The following CEP57 variants were observed in gnomAD, a reference collection of about 807,000 sequenced individuals.
CEP57 encodes centrosomal protein of 57 kDa.
A neutral mutation model predicts 68.0 loss-of-function variants in CEP57; 40 were observed. The observed-to-expected ratio is 0.59, with a 90% CI of 0.46 to 0.77. CEP57 has a LOEUF of 0.77. Ranked by LOEUF, CEP57 falls within the 30% of genes least tolerant of loss-of-function variation. The pLI, the probability that CEP57 is intolerant of heterozygous loss-of-function variation, is 0.00. For synonymous variants in CEP57, 219 were observed against 198.7 expected (o/e 1.10, Z -0.86); for missense variants, 606 against 580.7 (o/e 1.04, Z -0.45).
At chr11:95,812,745 A>G (rs1022953242) in intron 2 of CEP57, among the ~76,000 whole-genome samples, 187 bp from the exon 3 acceptor site, 1 of 152,112 alleles carries the variant, frequency 6.6e-6, no homozygotes. Context: ...CGGCCCACTC[A>G]ATGTCTTTAA....
intron 2 of CEP57, among the ~76,000 whole-genome samples, chr11:95,806,248 C>T (rs1178547326): frequency 6.6e-6 from 1 of 152,206 alleles, no homozygotes; most frequent in Non-Finnish European, 1.5e-5. Flanking sequence ...TAAAGAACAA[C>T]TTGGTCCGGT....
chr11:95,817,833 G>C lies in CEP57; in HGVS notation c.551G>C (p.Ser184Thr), dbSNP rs1404434880. 1.2e-6 allele frequency: 2 copies of C among 1,613,952 alleles called. No homozygotes were observed. Among genetic ancestry groups the C allele is most frequent in the East Asian group, 4.5e-5 (2 of 44,828 alleles). Residue 184 changes from serine (S) to threonine (T), a missense_variant, in exon 5 of 11, where the codon AGC becomes ACC. Transcript: ENST00000325542. ...CAACATGATCAAACACATGTTCAGA[G>C]CCAACTTGAAAAATTGGATCTTCTT... The part of the protein sequence containing the change: ...ERQHDQTHVQ[S>T]QLEKLDLLEQ...
At chr11:95,799,719 G>A (rs1029467740) in intron 2 of CEP57, among the ~76,000 whole-genome samples, 1 of 152,008 alleles carries the variant, frequency 6.6e-6, no homozygotes, top group Non-Finnish European at 1.5e-5. Flanking sequence ...CATTGCTTTG[G>A]TTCAGGCTTT....
Position 95,822,993 on chromosome 11 carries a change from C to CT in CEP57, c.885+418dup, listed in dbSNP as rs375198863. On this transcript the variant is annotated intron_variant, in intron 8 of 10. Coordinates refer to ENST00000325542, the MANE Select transcript of CEP57 (RefSeq NM_014679.5). ...CCTCACATCCAGATCATTTCTAGGA[C>CT]TAATTCTCCAAGAAGCAGTCATACG... 5.4e-3 allele frequency: 1,270 copies of CT among 235,198 alleles called. 6 individuals are homozygous for CT. Among genetic ancestry groups the CT allele is most frequent in the Non-Finnish European group, 7.8e-3 (912 of 116,884 alleles). The allele number at this position is 235,198 out of a possible 1,614,324, so 14.6% of individuals were successfully genotyped here.
In CEP57 at chr11:95,813,587, C is replaced by A. The variant is rs1241266950; in HGVS notation, c.502C>A (p.Gln168Lys). ...GGAGAGGACATCTGTCTTAGAGAAA[C>A]AAGTAAGTAAAGCACCTCACAGATT... ...EMERTSVLEK[Q>K]VSLERERQHD... The change falls in exon 4 of 11, where the codon CAA becomes AAA. Residue 168 changes from glutamine (Q) to lysine (K), a missense_variant and splice_region_variant. Transcript: ENST00000325542. 2.5e-6 allele frequency: 4 copies of A among 1,612,648 alleles called. No homozygotes were observed. The East Asian group carries it at 8.9e-5, about 36-fold the overall frequency.
chr11:95,804,404 C>G (rs1288468625), intron 2 of CEP57, among the ~76,000 whole-genome samples: 5 of 152,186 alleles, frequency 3.3e-5, no homozygotes, highest in Non-Finnish European at 7.3e-5. Flanking sequence ...TATTAGGAGT[C>G]TTGGCATTAG....
chr11:95,811,972 C>CACAT (rs1289088053), intron 2 of CEP57, among the ~76,000 whole-genome samples: 1 of 152,084 alleles, frequency 6.6e-6, no homozygotes, highest in Non-Finnish European at 1.5e-5. Flanking sequence ...ATTTATTTTA[C>CACAT]ACATATAGGA....
intron 4 of CEP57, among the ~76,000 whole-genome samples, chr11:95,817,145 C>CT (rs1350608111): frequency 6.6e-6 from 1 of 151,314 alleles, no homozygotes; most frequent in Non-Finnish European, 1.5e-5. Flanking sequence ...AGGCGGGTGG[C>CT]TTACGGGGTC....
In CEP57 at chr11:95,831,038, A is replaced by G. The variant is rs1862984026; in HGVS notation, c.1285A>G (p.Lys429Glu). 6.2e-7 allele frequency: 1 copy of G among 1,610,606 alleles called. No individual in the cohort carries two copies. The highest frequency in any genetic ancestry group is 1.7e-5 in the Admixed American group (1 of 59,966). Reference sequence around the variant, plus strand: ...TTATTTGGTATAGCTGGAGAAACAGAAGTTAGAGAAGCAGAAGAAGGAATT... The same window carrying G: ...TTATTTGGTATAGCTGGAGAAACAGGAGTTAGAGAAGCAGAAGAAGGAATT... ...RKYQAQLEKQ[K>E]LEKQKKELKA... is the part of the protein sequence containing the mutation. Residue 429 changes from lysine to glutamate, a missense_variant, in exon 11 of 11, where the codon AAG becomes GAG. Lys to Glu is a moderately conservative substitution (Grantham distance 56). Transcript: ENST00000325542.
chr11:95,814,962 T>C (rs1862242646), intron 4 of CEP57, among the ~76,000 whole-genome samples: 1 of 152,228 alleles, frequency 6.6e-6, no homozygotes, highest in African/African-American at 2.4e-5. Context: ...AAATTATCTC[T>C]AGATTACTTA....
chr11:95,803,306 A>G (rs373130350), intron 2 of CEP57, among the ~76,000 whole-genome samples: 1 of 152,364 alleles, frequency 6.6e-6, no homozygotes, highest in African/African-American at 2.4e-5. Context: ...AATACTAAGC[A>G]AATGAAAATT....
intron 1 of CEP57, among the ~76,000 whole-genome samples, chr11:95,797,380 C>T (rs1861395172): frequency 6.6e-6 from 1 of 152,202 alleles, no homozygotes. Flanking sequence ...GTTGGCCAGG[C>T]TGGTCTCGAA....
At chr11:95,812,795 T>C (rs1397941525) in intron 2 of CEP57, 137 bp from the exon 3 acceptor site, 3 of 811,230 alleles carry the variant, frequency 3.7e-6, no homozygotes, top group African/African-American at 1.7e-5. Context: ...AATTAACATT[T>C]TATTGTTCCC....
intron 8 of CEP57, 97 bp from the exon 9 acceptor site, chr11:95,827,688 TA>T (rs909006466): frequency 4.4e-6 from 6 of 1,354,360 alleles, no homozygotes; most frequent in Admixed American, 1.7e-5. Flanking sequence ...TACTCTACTT[TA>T]GGGGGTGGAG....
chr11:95,794,397 T>G (rs1204645248), intron 1 of CEP57: 2 of 448,156 alleles, frequency 4.5e-6, no homozygotes, highest in Non-Finnish European at 9.0e-6. Context: ...CATACTAAAT[T>G]GTTTTACCAA....
At chr11:95,799,198 CTT>C (rs1468767439) in intron 1 of CEP57, 32 bp from the exon 2 acceptor site, 1 of 1,611,976 alleles carries the variant, frequency 6.2e-7, no homozygotes, top group African/African-American at 1.3e-5. Flanking sequence ...GTGGTTCACA[CTT>C]TTGAAAGGTA....
At position 95,817,881 on chromosome 11, in the gene CEP57, C is replaced by T. The variant is rs757212650; in HGVS notation, c.599C>T (p.Thr200Ile). ...CTTGAACAGGAGTATAACAAACTTACCACAATGCAGGCCCTTGCAGAAGTC... is the reference window on the plus strand; with the variant it reads ...CTTGAACAGGAGTATAACAAACTTATCACAATGCAGGCCCTTGCAGAAGTC... Reference protein sequence around the residue: ...DLLEQEYNKLTTMQALAEKKM... With the variant: ...DLLEQEYNKLITMQALAEKKM... The change falls in exon 5 of 11, where the codon ACC (threonine) becomes ATC (isoleucine). Residue 200 changes from threonine to isoleucine, a missense_variant. Transcript: ENST00000325542. 1.2e-6 allele frequency: 2 copies of T among 1,611,850 alleles called. No individual in the cohort carries two copies. Among genetic ancestry groups the T allele is most frequent in the Non-Finnish European group, 1.7e-6 (2 of 1,178,196 alleles).
At chr11:95,824,032 C>G (rs1203579073) in intron 8 of CEP57, among the ~76,000 whole-genome samples, 4 of 149,230 alleles carry the variant, frequency 2.7e-5, no homozygotes, top group Non-Finnish European at 5.9e-5. Flanking sequence ...CTGCGGTTGT[C>G]CACCATTTCA....
At chr11:95,819,435 G>A (rs573640838) in intron 6 of CEP57, among the ~76,000 whole-genome samples, 8 of 152,346 alleles carry the variant, frequency 5.3e-5, no homozygotes, top group African/African-American at 1.7e-4. Context: ...AGGTGAGGCA[G>A]TGTGGATTCA....
Sources: gnomAD v4.1 joint callset for allele counts (sites outside exome capture counted in the v4.1 genomes callset) on GRCh38, gnomAD v4.1.1 for gene constraint, MANE v1.5 for transcripts, NCBI Gene and HGNC (gene_info 2026-07-23, HGNC 2026-07-21) for gene names.